The following HDAC9 variants were observed in gnomAD, a reference collection of about 807,000 sequenced individuals.
The protein encoded by HDAC9 is MEF-2 interacting transcription repressor (MITR) protein.
In HDAC9, 41 loss-of-function variants were observed where a neutral mutation model predicts 139.4. The ratio of observed to expected loss-of-function variants is 0.29; its 90% CI spans 0.23 to 0.38. The LOEUF (loss-of-function observed/expected upper bound fraction) is 0.38. HDAC9 is among the 10% of genes least tolerant of loss of function. The probability of loss-of-function intolerance (pLI) is 1.00; values close to 1 mark genes in which losing one functional copy is unlikely to be tolerated. For missense variants in HDAC9, 1,147 were observed against 1,297.0 expected, an observed-to-expected ratio of 0.88 and a Z score of 1.78; for synonymous variants, 517 against 476.2, an observed-to-expected ratio of 1.09 and a Z score of -1.12.
At chr7:18,198,163 A>C (rs533868531) in intron 2 of HDAC9, among the ~76,000 whole-genome samples, 7 of 152,266 alleles carry the variant, frequency 4.6e-5, no homozygotes, top group Non-Finnish European at 8.8e-5. Flanking sequence ...AGATTAAATA[A>C]ATCAAAACAC....
chr7:18,314,997 T>C (rs1799545044), intron 1 of HDAC9, among the ~76,000 whole-genome samples: 1 of 152,248 alleles, frequency 6.6e-6, no homozygotes, highest in South Asian at 2.1e-4. Context: ...AGCAACGTGG[T>C]TGAAAAACCT....
chr7:18,139,190 A>G (rs1395067367), intron 1 of HDAC9, among the ~76,000 whole-genome samples: 2 of 147,598 alleles, frequency 1.4e-5, no homozygotes, highest in Non-Finnish European at 3.0e-5. Flanking sequence ...CAGTGGCACA[A>G]TCTTGGCTCA....
At chr7:18,738,181 A>G (rs1178147) in intron 13 of HDAC9, among the ~76,000 whole-genome samples, 27,662 of 152,104 alleles carry the variant, frequency 0.18, 3,076 homozygotes, top group East Asian at 0.55. Flanking sequence ...TCTCCTGAAT[A>G]CAGCACACTG....
At chr7:18,522,342 G>C (rs958762457) in intron 2 of HDAC9, among the ~76,000 whole-genome samples, 2 of 152,066 alleles carry the variant, frequency 1.3e-5, no homozygotes, top group African/African-American at 2.4e-5. Context: ...ACAAAGAAAG[G>C]ACAGGGATGG....
chr7:18,945,485 T>C (rs1171156586), intron 23 of HDAC9, among the ~76,000 whole-genome samples: 1 of 152,230 alleles, frequency 6.6e-6, no homozygotes, highest in East Asian at 1.9e-4. Flanking sequence ...AGTAACTTTT[T>C]AATGTGGTAT....
At position 18,996,145 on chromosome 7, in the gene HDAC9, C is replaced by T. The variant is rs916920315; in HGVS notation, c.*83C>T. The T allele has an allele frequency of 9.9e-7, 1 of 1,009,504 alleles. No homozygotes were observed. The highest frequency in any genetic ancestry group is 1.5e-6 in the Non-Finnish European group (1 of 661,962). The allele number at this position is 1,009,504 out of a possible 1,614,324, so 62.5% of individuals were successfully genotyped here. A position where few individuals can be genotyped will look rare whatever the true frequency, so the allele number is the denominator to read the frequency against. On this transcript the variant is annotated 3_prime_UTR_variant, in exon 26 of 26. Coordinates refer to ENST00000686413, the MANE Select transcript of HDAC9 (RefSeq NM_178425.4). ...CCCAGTACCCTCAGACATGTCTTGT[C>T]TGCTGCCTGGGTGGCACAGATTCAA...
chr7:18,161,073 T>C (rs1787597972), intron 1 of HDAC9, among the ~76,000 whole-genome samples: 1 of 152,192 alleles, frequency 6.6e-6, no homozygotes, highest in African/African-American at 2.4e-5. Context: ...CACATCAATA[T>C]AATTTTTGAA....
chr7:18,278,814 A>T (rs1562827797), intron 2 of HDAC9, among the ~76,000 whole-genome samples: 1 of 152,164 alleles, frequency 6.6e-6, no homozygotes, highest in Non-Finnish European at 1.5e-5. Flanking sequence ...TTAAAAGATC[A>T]CTTTGAAAAG....
intron 1 of HDAC9, among the ~76,000 whole-genome samples, chr7:18,094,439 C>CTTT (rs762146571): frequency 7.4e-6 from 1 of 135,998 alleles, no homozygotes. Flanking sequence ...GTTACCTTTA[C>CTTT]TTTTTTTTTT....
chr7:18,158,643 C>T (rs191351083), intron 1 of HDAC9, among the ~76,000 whole-genome samples: 1 of 152,270 alleles, frequency 6.6e-6, no homozygotes, highest in Admixed American at 6.5e-5. Flanking sequence ...CGGTATAACC[C>T]AAAGGGCTGT....
chr7:18,897,498 G>A (rs1585254663), intron 22 of HDAC9, among the ~76,000 whole-genome samples: 1 of 151,856 alleles, frequency 6.6e-6, no homozygotes, highest in African/African-American at 2.4e-5. Context: ...TTTAAAGAAT[G>A]CTATGCGGAG....
exon 2 of HDAC9, chr7:18,162,318 G>T: frequency 6.5e-7 from 1 of 1,535,250 alleles, no homozygotes; most frequent in Non-Finnish European, 8.7e-7. Context: ...CAGTCCCTCT[G>T]ATTCTCATGA....
At chr7:18,245,052 A>G (rs1794436038) in intron 2 of HDAC9, among the ~76,000 whole-genome samples, 1 of 93,404 alleles carries the variant, frequency 1.1e-5, no homozygotes, top group African/African-American at 3.9e-5. Context: ...ATTCAGTTCT[A>G]GAAAATGGAG....
At chr7:18,444,460 A>C (rs1792106976) in intron 1 of HDAC9, among the ~76,000 whole-genome samples, 1 of 152,058 alleles carries the variant, frequency 6.6e-6, no homozygotes, top group Non-Finnish European at 1.5e-5. Flanking sequence ...TATCTTGTAA[A>C]TAAAAGGGGA....
chr7:18,710,769 G>T (rs1178117), intron 12 of HDAC9, among the ~76,000 whole-genome samples: 64,890 of 151,968 alleles, frequency 0.43, 16,720 homozygotes, highest in African/African-American at 0.73. Flanking sequence ...GAAAGCCGCT[G>T]AAGTTTAAAT....
At chr7:18,914,606 A>C (rs140548378) in intron 22 of HDAC9, among the ~76,000 whole-genome samples, 1 of 152,042 alleles carries the variant, frequency 6.6e-6, no homozygotes, top group African/African-American at 2.4e-5. Flanking sequence ...CAGGCTCACA[A>C]ATTTCTGAAG....
intron 2 of HDAC9, among the ~76,000 whole-genome samples, chr7:18,208,332 G>A (rs1316833874): frequency 2.0e-5 from 3 of 150,838 alleles, no homozygotes. Context: ...TAATTTATGG[G>A]ATGGACCTAG....
rs559121944 is a variant in HDAC9 at position 18,227,849 on chromosome 7, C to A, written c.25+65500C>A. 1.2e-4 allele frequency among the ~76,000 whole-genome samples: 18 copies of A among 152,224 alleles called. No individual in the cohort carries two copies. In the South Asian group the frequency reaches 3.7e-3, roughly 32 times the overall value. ...CATTCTTGATTTGAAACAGTGTGAC[C>A]TGTTAGTGCCTATCGGATGAATTAT... On this transcript the variant is annotated intron_variant, in intron 2 of 12. Coordinates refer to the HDAC9 transcript ENST00000417496.
intron 2 of HDAC9, among the ~76,000 whole-genome samples, chr7:18,174,563 CT>C (rs1318234525): frequency 6.6e-6 from 1 of 152,210 alleles, no homozygotes; most frequent in African/African-American, 2.4e-5. Context: ...CTTTTCTGCT[CT>C]GGTTTCTCCC....
Sources: allele counts gnomAD v4.1 joint callset (sites outside exome capture counted in the v4.1 genomes callset), GRCh38; gene constraint gnomAD v4.1.1; transcripts MANE v1.5; gene names NCBI Gene and HGNC (gene_info 2026-07-23, HGNC 2026-07-21).